The following FSAF1 variants were observed in gnomAD, a reference collection of about 807,000 sequenced individuals.
The protein encoded by FSAF1 is 40S small subunit processome assembly factor 1.
the FSAF1 span, chr1:231,226,667 C>G: frequency 3.6e-6 from 5 of 1,370,650 alleles, no homozygotes; most frequent in Middle Eastern, 1.8e-4. Flanking sequence ...CAGCGGCTTC[C>G]GGCATTCCAC....
the FSAF1 span, among the ~76,000 whole-genome samples, chr1:231,236,134 T>C: frequency 6.6e-6 from 1 of 152,212 alleles, no homozygotes; most frequent in Non-Finnish European, 1.5e-5. Flanking sequence ...ACAACTATAC[T>C]TTCCCATGTT....
chr1:231,240,460 CT>C, the FSAF1 span, among the ~76,000 whole-genome samples: 3 of 152,122 alleles, frequency 2.0e-5, no homozygotes, highest in East Asian at 5.8e-4. The surrounding 1 kb of genome is among the most constrained non-coding windows in gnomAD (Gnocchi z 4.1). Flanking sequence ...TGCCATGCGA[CT>C]TTAATAGGCT....
At chr1:231,224,100 G>T in the FSAF1 span, 1 of 669,464 alleles carries the variant, frequency 1.5e-6, no homozygotes, top group Non-Finnish European at 2.3e-6. Context: ...GACACGTTCA[G>T]CACCATGAAG....
the FSAF1 span, among the ~76,000 whole-genome samples, chr1:231,232,958 A>C: frequency 2.0e-5 from 3 of 152,210 alleles, no homozygotes; most frequent in African/African-American, 7.2e-5. Flanking sequence ...AAGTTTGTTC[A>C]CACCTTGATG....
chr1:231,236,157 C>T, the FSAF1 span, among the ~76,000 whole-genome samples: 1 of 152,198 alleles, frequency 6.6e-6, no homozygotes. Context: ...ACAAACTCAG[C>T]ACAGCTGGTG....
chr1:231,236,334 C>T, the FSAF1 span, among the ~76,000 whole-genome samples: 1 of 152,006 alleles, frequency 6.6e-6, no homozygotes, highest in Admixed American at 6.6e-5. Flanking sequence ...CATTCTGTTT[C>T]CTTAACCAGA....
At chr1:231,239,329 C>T in the FSAF1 span, 4 of 703,496 alleles carry the variant, frequency 5.7e-6, no homozygotes, top group Middle Eastern at 3.8e-4. Flanking sequence ...TATTTGTTTT[C>T]TTTCAAATAA....
At chr1:231,240,743 A>G in the FSAF1 span, among the ~76,000 whole-genome samples, 3 of 152,124 alleles carry the variant, frequency 2.0e-5, no homozygotes, top group African/African-American at 7.2e-5. The surrounding 1 kb of genome is among the most constrained non-coding windows in gnomAD (Gnocchi z 4.1). Flanking sequence ...AAAGCGGGCT[A>G]CTTTTAAATC....
chr1:231,226,624 C>T, the FSAF1 span: 2 of 928,250 alleles, frequency 2.2e-6, no homozygotes, highest in Non-Finnish European at 3.5e-6. Flanking sequence ...AGCATGGGAT[C>T]CTTTAACTCT....
At chr1:231,226,293 G>C in the FSAF1 span, 12 of 188,230 alleles carry the variant, frequency 6.4e-5, no homozygotes, top group African/African-American at 2.8e-4. Flanking sequence ...CCCCACTGCT[G>C]CTTCGCTCTT....
At chr1:231,232,888 G>A in the FSAF1 span, among the ~76,000 whole-genome samples, 1 of 152,192 alleles carries the variant, frequency 6.6e-6, no homozygotes, top group Non-Finnish European at 1.5e-5. Context: ...CAATTAGAGA[G>A]AGAGTAGCCC....
At chr1:231,238,873 T>C in the FSAF1 span, 7 of 1,612,716 alleles carry the variant, frequency 4.3e-6, no homozygotes, top group Non-Finnish European at 5.9e-6. Context: ...GTTCTTGTTA[T>C]GATCTGGCGT....
the FSAF1 span, among the ~76,000 whole-genome samples, chr1:231,240,106 G>GC: frequency 1.3e-5 from 2 of 152,176 alleles, no homozygotes; most frequent in Admixed American, 1.3e-4. The surrounding 1 kb of genome is among the most constrained non-coding windows in gnomAD (Gnocchi z 4.1). Context: ...CAGACAACCT[G>GC]CATCAGGTTT....
the FSAF1 span, chr1:231,239,188 C>T: frequency 6.5e-7 from 1 of 1,545,546 alleles, no homozygotes. Context: ...TTCTGTACCT[C>T]CTGTTTGTTC....
At chr1:231,232,616 T>C in the FSAF1 span, among the ~76,000 whole-genome samples, 7 of 152,136 alleles carry the variant, frequency 4.6e-5, no homozygotes, top group African/African-American at 1.7e-4. Flanking sequence ...GCCTAACCTA[T>C]CGCAACTAAT....
At chr1:231,240,059 C>A in the FSAF1 span, among the ~76,000 whole-genome samples, 2 of 152,194 alleles carry the variant, frequency 1.3e-5, no homozygotes, top group African/African-American at 4.8e-5. The surrounding 1 kb of genome is among the most constrained non-coding windows in gnomAD (Gnocchi z 4.1). Flanking sequence ...GGGTCTGGGG[C>A]TAGAATCAGA....
the FSAF1 span, among the ~76,000 whole-genome samples, chr1:231,229,667 AAAG>A: frequency 1.3e-5 from 2 of 152,232 alleles, no homozygotes; most frequent in African/African-American, 4.8e-5. Flanking sequence ...CAGCCTGAAA[AAAG>A]AAGGAACTCC....
the FSAF1 span, chr1:231,239,289 G>A: frequency 5.6e-6 from 5 of 890,710 alleles, no homozygotes; most frequent in South Asian, 2.4e-5. Context: ...AGGGCTATAT[G>A]CACCTAGAAG....
chr1:231,232,201 C>T, the FSAF1 span, among the ~76,000 whole-genome samples: 2 of 152,192 alleles, frequency 1.3e-5, no homozygotes, highest in Non-Finnish European at 2.9e-5. Context: ...GTGGTCTCCT[C>T]GGTTTTCTTT....
Sources: allele counts gnomAD v4.1 joint callset (sites outside exome capture counted in the v4.1 genomes callset), GRCh38; gene constraint gnomAD v4.1.1; non-coding constraint Gnocchi (gnomAD v3.1); transcripts MANE v1.5; gene names NCBI Gene and HGNC (gene_info 2026-07-23, HGNC 2026-07-21).